Variants in RARB observed in about 807,000 individuals in gnomAD.
RARB encodes HBV-activated protein.
Under a neutral mutation model 51.9 loss-of-function variants are expected in RARB, and 17 were observed. The ratio of observed to expected loss-of-function variants is 0.33; its 90% CI spans 0.22 to 0.49. The LOEUF (loss-of-function observed/expected upper bound fraction) is 0.49, where lower values mean the gene tolerates loss of function less well. RARB is among the 20% of genes least tolerant of loss of function. The pLI is 0.99. For synonymous variants in RARB, 215 were observed against 195.4 expected (o/e 1.10, Z -0.84); for missense variants, 369 against 550.8 (o/e 0.67, Z 3.30).
rs534107892 is a variant in RARB, at chr3:25,004,314, G to A, written c.-379-55811G>A. On this transcript the variant is annotated intron_variant, in intron 2 of 11. Coordinates refer to the RARB transcript ENST00000383772. ...AAATAGGATTTAGTGAAAATACAGC[G>A]TTTTAGTTTGTTTTGTAGTGCTATA... Among the ~76,000 whole-genome samples the A allele has an allele frequency of 1.8e-4, 28 of 152,182 alleles. No homozygotes were observed. The East Asian group carries it at 3.3e-3, about 18-fold the overall frequency.
At chr3:25,182,659 T>C (rs1216182403) in intron 5 of RARB, among the ~76,000 whole-genome samples, 1 of 152,198 alleles carries the variant, frequency 6.6e-6, no homozygotes, top group Admixed American at 6.5e-5. Flanking sequence ...GGGTTTTCAC[T>C]TGTGTGTGGT....
chr3:25,067,377 G>A (rs1698683524), intron 3 of RARB, among the ~76,000 whole-genome samples: 2 of 152,224 alleles, frequency 1.3e-5, no homozygotes, highest in South Asian at 4.1e-4. Context: ...CAGAGAGCAT[G>A]AGAAAAGTTC....
At chr3:25,515,960 C>T (rs1039843291) in intron 3 of RARB, among the ~76,000 whole-genome samples, 1 of 152,218 alleles carries the variant, frequency 6.6e-6, no homozygotes, top group Non-Finnish European at 1.5e-5. Flanking sequence ...TAATACCTCT[C>T]ATTAGAAGAA....
intron 3 of RARB, among the ~76,000 whole-genome samples, chr3:25,109,696 G>T (rs1385385755): frequency 1.3e-5 from 2 of 152,154 alleles, no homozygotes; most frequent in Admixed American, 1.3e-4. Flanking sequence ...CAACTGGGAG[G>T]CAGGATAACC....
intron 1 of RARB, among the ~76,000 whole-genome samples, chr3:25,439,016 G>A (rs1455720795): frequency 6.6e-6 from 1 of 152,166 alleles, no homozygotes; most frequent in Non-Finnish European, 1.5e-5. Flanking sequence ...AGCTCAGGGG[G>A]TTCAGACCAG....
chr3:24,890,785 G>A (rs1486606709), intron 2 of RARB, among the ~76,000 whole-genome samples: 5 of 151,976 alleles, frequency 3.3e-5, no homozygotes, highest in Admixed American at 2.6e-4. Context: ...GAGTTTTTTG[G>A]GTGGGTTCTT....
chr3:24,981,958 G>T (rs893587792), intron 2 of RARB, among the ~76,000 whole-genome samples: 2 of 152,208 alleles, frequency 1.3e-5, no homozygotes, highest in African/African-American at 4.8e-5. Flanking sequence ...TGAGTGTCTT[G>T]AAAAGGAGTG....
chr3:24,865,839 G>T (rs1363319411), intron 2 of RARB, among the ~76,000 whole-genome samples: 2 of 152,114 alleles, frequency 1.3e-5, no homozygotes, highest in East Asian at 3.9e-4. Flanking sequence ...TTGTGGCTTT[G>T]ACCTAATTGT....
chr3:24,872,729 T>C (rs1378626557), intron 2 of RARB, among the ~76,000 whole-genome samples: 2 of 152,058 alleles, frequency 1.3e-5, no homozygotes, highest in African/African-American at 4.8e-5. Context: ...GACCCAAACT[T>C]CTACCACCAG....
Position 25,596,541 on chromosome 3 carries a change from A to T in RARB, c.1272A>T (p.Thr424=). 5 of 1,613,932 alleles carry T rather than the reference A, an allele frequency of 3.1e-6. No individual in the cohort carries two copies. Among genetic ancestry groups the T allele is most frequent in the Non-Finnish European group, 4.2e-6 (5 of 1,179,790 alleles). ...EPLTPSSSGN[T]AEHSPSISPS... is the part of the protein sequence containing the mutation. ...TGACCCCAAGTTCAAGTGGGAACAC[A>T]GCAGAGCACAGTCCTAGCATCTCAC... is the stretch of plus-strand genomic sequence containing the variant. The change falls in exon 8 of 8, where the codon ACA becomes ACT. Residue 424 remains threonine, a synonymous_variant. Transcript: ENST00000330688.
chr3:25,425,405 A>G (rs920248626), upstream of RARB, among the ~76,000 whole-genome samples: 8 of 152,254 alleles, frequency 5.3e-5, no homozygotes, highest in Admixed American at 3.9e-4. Flanking sequence ...GCATGTGGCT[A>G]AATCATGGGT....
At chr3:25,214,418 C>G (rs534443686) in intron 5 of RARB, among the ~76,000 whole-genome samples, 1 of 151,930 alleles carries the variant, frequency 6.6e-6, no homozygotes, top group Non-Finnish European at 1.5e-5. Context: ...AGCCACACAC[C>G]GGGAGACAAT....
In RARB at chr3:25,398,425, C is replaced by T. The variant is rs541190406; in HGVS notation, c.179-62768C>T. Among the ~76,000 whole-genome samples, 12 of 152,258 alleles carry T rather than the reference C, an allele frequency of 7.9e-5. No individual in the cohort carries two copies. The East Asian group carries it at 1.5e-3, about 20-fold the overall frequency. On this transcript the variant is annotated intron_variant, in intron 5 of 11. Coordinates refer to the RARB transcript ENST00000383772. ...ATATATCAGCTTTCACAAAGATAGA[C>T]GGTATCACTAAGACAAAACAAGAAA...
intron 2 of RARB, among the ~76,000 whole-genome samples, chr3:25,488,847 A>G (rs1400503698): frequency 1.3e-5 from 2 of 152,244 alleles, no homozygotes; most frequent in African/African-American, 2.4e-5. Flanking sequence ...TACATCCATT[A>G]GGCTGCCTTT....
At chr3:25,578,221 A>G (rs928628805) in intron 4 of RARB, among the ~76,000 whole-genome samples, 11 of 152,236 alleles carry the variant, frequency 7.2e-5, no homozygotes, top group African/African-American at 2.4e-4. Flanking sequence ...GATAATATAT[A>G]AGCCATTTGA....
intron 4 of RARB, among the ~76,000 whole-genome samples, chr3:25,154,746 G>A (rs1341029017): frequency 6.6e-6 from 1 of 152,136 alleles, no homozygotes; most frequent in African/African-American, 2.4e-5. Flanking sequence ...TATATTTTGT[G>A]CAGAAGGCCC....
chr3:25,538,957 C>T (rs1242290787), intron 3 of RARB, among the ~76,000 whole-genome samples: 1 of 152,222 alleles, frequency 6.6e-6, no homozygotes, highest in Non-Finnish European at 1.5e-5. Flanking sequence ...CTCTGCTAAT[C>T]ACAGACAAGT....
intron 2 of RARB, among the ~76,000 whole-genome samples, chr3:24,865,751 A>G (rs12635876): frequency 0.17 from 25,555 of 152,200 alleles, 2,652 homozygotes; most frequent in East Asian, 0.58. Flanking sequence ...CATTAAATTG[A>G]TGTGACACAT....
intron 2 of RARB, among the ~76,000 whole-genome samples, chr3:24,874,863 G>GT (rs1234880460): frequency 6.6e-6 from 1 of 151,836 alleles, no homozygotes; most frequent in Non-Finnish European, 1.5e-5. Flanking sequence ...TGTTATTAAA[G>GT]TTTTTTCTCA....
Sources: gnomAD v4.1 joint callset for allele counts (sites outside exome capture counted in the v4.1 genomes callset) on GRCh38, gnomAD v4.1.1 for gene constraint, MANE v1.5 for transcripts, NCBI Gene and HGNC (gene_info 2026-07-23, HGNC 2026-07-21) for gene names.